Variants in ZNG1C observed in about 807,000 individuals in gnomAD.
ZNG1C encodes the protein Zn regulated GTPase metalloprotein activator 1C.
chr9:68,264,828 T>C, the ZNG1C span, among the ~76,000 whole-genome samples: 1 of 64,916 alleles, frequency 1.5e-5, no homozygotes, highest in African/African-American at 5.7e-5. Context: ...AGATTATATA[T>C]ATATATATAT....
the ZNG1C span, among the ~76,000 whole-genome samples, chr9:68,266,951 A>C: frequency 2.0e-5 from 3 of 152,212 alleles, no homozygotes; most frequent in Non-Finnish European, 2.9e-5. Flanking sequence ...ATGTGCTAAC[A>C]GTCATTTTGC....
the ZNG1C span, among the ~76,000 whole-genome samples, chr9:68,279,646 T>C: frequency 5.0e-5 from 6 of 119,902 alleles, no homozygotes; most frequent in East Asian, 1.3e-3. Context: ...CCCACTCTCT[T>C]CTGGCTTGTA....
At chr9:68,287,313 A>T in the ZNG1C span, among the ~76,000 whole-genome samples, 30 of 146,990 alleles carry the variant, frequency 2.0e-4, no homozygotes, top group South Asian at 1.0e-3. Context: ...GAGCTTTTTT[A>T]AAAAAAATTC....
At chr9:68,247,456 GTAATT>G in the ZNG1C span, among the ~76,000 whole-genome samples, 1 of 151,748 alleles carries the variant, frequency 6.6e-6, no homozygotes, top group African/African-American at 2.4e-5. Flanking sequence ...GTAGTGTACT[GTAATT>G]TAGGTATCAA....
the ZNG1C span, among the ~76,000 whole-genome samples, chr9:68,291,710 C>A: frequency 6.7e-6 from 1 of 149,734 alleles, no homozygotes; most frequent in Non-Finnish European, 1.5e-5. Flanking sequence ...CTTCTCTTAT[C>A]AAGCAAGAAA....
chr9:68,298,661 G>C, the ZNG1C span: 1 of 189,848 alleles, frequency 5.3e-6, no homozygotes, highest in East Asian at 7.7e-5. Flanking sequence ...TCATCATTTT[G>C]TTTCAGGTTT....
At chr9:68,247,716 A>G in the ZNG1C span, 1 of 737,374 alleles carries the variant, frequency 1.4e-6, no homozygotes, top group African/African-American at 2.4e-5. Context: ...TGAAGTGAGG[A>G]ATGTGTTTAC....
chr9:68,270,747 G>C, the ZNG1C span: 1 of 442,220 alleles, frequency 2.3e-6, no homozygotes, highest in East Asian at 1.5e-4. Flanking sequence ...GCTGAGGCTG[G>C]TGGTGGGCGC....
chr9:68,246,158 A>G, the ZNG1C span, among the ~76,000 whole-genome samples: 4 of 145,632 alleles, frequency 2.7e-5, no homozygotes, highest in Admixed American at 2.1e-4. Flanking sequence ...TCTAGACACA[A>G]TACTTCTGTT....
At chr9:68,257,494 G>C in the ZNG1C span, among the ~76,000 whole-genome samples, 4 of 45,198 alleles carry the variant, frequency 8.8e-5, 1 homozygote, top group East Asian at 1.0e-3. Flanking sequence ...GGTGGAAATC[G>C]ATGTCACTCA....
At chr9:68,247,179 TC>T in the ZNG1C span, among the ~76,000 whole-genome samples, 2 of 152,194 alleles carry the variant, frequency 1.3e-5, no homozygotes, top group Non-Finnish European at 2.9e-5. Flanking sequence ...TTGGGAATAT[TC>T]AGCAGTTTGT....
At chr9:68,244,424 C>A in the ZNG1C span, among the ~76,000 whole-genome samples, 1 of 61,160 alleles carries the variant, frequency 1.6e-5, no homozygotes, top group Non-Finnish European at 3.3e-5. Context: ...AGGAATATGA[C>A]CTAAAAGATA....
chr9:68,270,884 A>C, the ZNG1C span: 1 of 141,698 alleles, frequency 7.1e-6, no homozygotes, highest in African/African-American at 2.7e-5. Context: ...CTCTGTCTCA[A>C]AAAAAAAAAA....
the ZNG1C span, among the ~76,000 whole-genome samples, chr9:68,296,509 C>T: frequency 0.01 from 1,538 of 152,054 alleles, no homozygotes; most frequent in East Asian, 0.038. Flanking sequence ...AATACTTTAG[C>T]GATTCTCTTG....
chr9:68,287,486 C>T, the ZNG1C span, among the ~76,000 whole-genome samples: 1 of 152,246 alleles, frequency 6.6e-6, no homozygotes. Context: ...GTTTAAATGG[C>T]ATCAACATTT....
At chr9:68,274,449 ACTC>A in the ZNG1C span, 1 of 175,908 alleles carries the variant, frequency 5.7e-6, no homozygotes, top group Non-Finnish European at 1.2e-5. Flanking sequence ...TGGTTATTTG[ACTC>A]CTCATTTTTA....
At chr9:68,247,429 A>G in the ZNG1C span, among the ~76,000 whole-genome samples, 1 of 151,332 alleles carries the variant, frequency 6.6e-6, no homozygotes. Flanking sequence ...GACATCTTAA[A>G]TAAAAGCTAA....
chr9:68,275,403 C>T, the ZNG1C span, among the ~76,000 whole-genome samples: 1 of 145,994 alleles, frequency 6.8e-6, no homozygotes, highest in African/African-American at 2.5e-5. Context: ...TATACATGTG[C>T]CATGCTGGTG....
chr9:68,290,292 G>A, the ZNG1C span, among the ~76,000 whole-genome samples: 1 of 134,680 alleles, frequency 7.4e-6, no homozygotes, highest in Non-Finnish European at 1.6e-5. Context: ...CTTTAGGCTG[G>A]GTGTGGTGGC....
Sources: gnomAD v4.1 joint callset for allele counts (sites outside exome capture counted in the v4.1 genomes callset) on GRCh38, gnomAD v4.1.1 for gene constraint, MANE v1.5 for transcripts, NCBI Gene and HGNC (gene_info 2026-07-23, HGNC 2026-07-21) for gene names.